ST6GAL1: variants seen among roughly 807,000 people sequenced by gnomAD.
ST6GAL1 encodes ST6 beta-galactoside alpha-2,6-sialyltransferase 1, also known as beta-galactoside alpha-2,6-sialyltransferase 1.
ST6GAL1 carries 20 observed loss-of-function variants against 38.0 expected under a neutral mutation model. The observed-to-expected ratio is 0.53, with a 90% CI of 0.37 to 0.77. The LOEUF is 0.77. ST6GAL1 is among the 30% of genes least tolerant of loss of function. ST6GAL1 has a pLI of 0.00. For missense variants in ST6GAL1, 432 were observed against 496.4 expected, an observed-to-expected ratio of 0.87 and a Z score of 1.23; for synonymous variants, 196 against 188.2, an observed-to-expected ratio of 1.04 and a Z score of -0.34.
At chr3:187,024,063 T>C (rs989352221) in intron 2 of ST6GAL1, among the ~76,000 whole-genome samples, 167 of 151,818 alleles carry the variant, frequency 1.1e-3, no homozygotes, top group Admixed American at 4.5e-3. Context: ...TACATATATA[T>C]GTTTTATATA....
intron 1 of ST6GAL1, among the ~76,000 whole-genome samples, chr3:186,937,085 T>C (rs530662193): frequency 3.9e-4 from 60 of 152,242 alleles, no homozygotes; most frequent in African/African-American, 1.4e-3. Flanking sequence ...CCTTCTTCTT[T>C]TTTTTTTAAA....
intron 1 of ST6GAL1, among the ~76,000 whole-genome samples, chr3:186,958,808 C>T (rs548872081): frequency 1.8e-3 from 281 of 152,078 alleles, no homozygotes; most frequent in Middle Eastern, 6.8e-3. Flanking sequence ...CAAAAATTAG[C>T]CAGGTGTGGT....
chr3:187,006,457 C>G (rs996000368), intron 2 of ST6GAL1: 1 of 152,192 alleles, frequency 6.6e-6, no homozygotes, highest in Non-Finnish European at 1.5e-5. Context: ...CCTGTGTGCT[C>G]CTTTCCCCTT....
At chr3:186,951,509 G>A (rs954535577) in intron 1 of ST6GAL1, among the ~76,000 whole-genome samples, 6 of 152,124 alleles carry the variant, frequency 3.9e-5, no homozygotes, top group South Asian at 2.1e-4. Flanking sequence ...TCAAACTAAC[G>A]AAATCAAAGT....
chr3:186,969,868 C>A (rs1274170088), intron 2 of ST6GAL1, among the ~76,000 whole-genome samples: 1 of 152,196 alleles, frequency 6.6e-6, no homozygotes, highest in Non-Finnish European at 1.5e-5. Flanking sequence ...GTGGTACACA[C>A]AGTACTATGA....
At chr3:186,966,487 T>C (rs989936079) in intron 2 of ST6GAL1, among the ~76,000 whole-genome samples, 1 of 152,252 alleles carries the variant, frequency 6.6e-6, no homozygotes. Context: ...AGCTAGTGAG[T>C]GCTCTTTATG....
chr3:186,941,596 G>A lies in ST6GAL1; in HGVS notation c.-325+10762G>A, dbSNP rs531539170. Among the ~76,000 whole-genome samples, 14 of 152,276 alleles carry A rather than the reference G, an allele frequency of 9.2e-5. No homozygotes were observed. In the South Asian group the frequency reaches 2.7e-3, roughly 29 times the overall value. ...ACGGGAGAAGCAAGATGGGCGGGGG[G>A]TGAGGAGGGGAAAGAGTTGCAGGAA... On this transcript the variant is annotated intron_variant, in intron 1 of 7. Transcript: ENST00000169298.
At chr3:187,024,344 C>T (rs964327681) in intron 2 of ST6GAL1, among the ~76,000 whole-genome samples, 5 of 151,492 alleles carry the variant, frequency 3.3e-5, no homozygotes, top group East Asian at 3.9e-4. Flanking sequence ...CTGCCCGCCT[C>T]GGCCTCCCAA....
intron 2 of ST6GAL1, among the ~76,000 whole-genome samples, chr3:186,969,997 G>A (rs578210390): frequency 1.3e-5 from 2 of 152,276 alleles, no homozygotes; most frequent in East Asian, 3.9e-4. Flanking sequence ...GGAAACGATT[G>A]TAGATGCACA....
intron 3 of ST6GAL1, among the ~76,000 whole-genome samples, chr3:187,039,433 G>A (rs1282098760): frequency 6.6e-6 from 1 of 152,168 alleles, no homozygotes; most frequent in Non-Finnish European, 1.5e-5. Flanking sequence ...GAGCAGCAAA[G>A]TCAGGCATGA....
At chr3:187,024,669 C>T (rs924275971) in intron 2 of ST6GAL1, 12 of 151,854 alleles carry the variant, frequency 7.9e-5, no homozygotes, top group Admixed American at 6.6e-4. Context: ...CTGAGGAAGC[C>T]GTGAGCCAGG....
intron 1 of ST6GAL1, among the ~76,000 whole-genome samples, chr3:186,936,566 A>G (rs1703525113): frequency 6.6e-6 from 1 of 152,228 alleles, no homozygotes; most frequent in Non-Finnish European, 1.5e-5. Context: ...ATGATTTTCT[A>G]AGTAATTATT....
intron 2 of ST6GAL1, among the ~76,000 whole-genome samples, chr3:186,988,785 G>A (rs1046255934): frequency 5.9e-5 from 9 of 152,016 alleles, no homozygotes; most frequent in African/African-American, 1.9e-4. Context: ...GTGGTGGTGT[G>A]TGCCTGTATT....
In ST6GAL1 at chr3:187,075,792, A is replaced by T; in HGVS notation, c.1210A>T (p.Ile404Phe). Reference sequence around the variant, plus strand: ...AGCCACACTGCCTGGCTTCCGGACCATTCACTGCTAAGCACAGGCTCCTCA... The same window carrying T: ...AGCCACACTGCCTGGCTTCCGGACCTTTCACTGCTAAGCACAGGCTCCTCA... ...GKATLPGFRT[I>F]HC Residue 404 changes from isoleucine (I) to phenylalanine (F), a missense_variant, in exon 8 of 8, where the codon ATT (isoleucine) becomes TTT (phenylalanine). Physicochemically the swap from Ile to Phe is conservative, Grantham distance 21. Transcript: ENST00000169298. The surrounding 1 kb of genome is among the most constrained non-coding windows in gnomAD (Gnocchi z 4.1). The T allele has an allele frequency of 6.2e-7, 1 of 1,614,194 alleles. No homozygotes were observed. The highest frequency in any genetic ancestry group is 8.5e-7 in the Non-Finnish European group (1 of 1,180,014).
In ST6GAL1 at chr3:187,066,593, C is replaced by T. The variant is rs1437224335; in HGVS notation, c.706-6256C>T. Among the ~76,000 whole-genome samples the T allele has an allele frequency of 4.4e-4, 54 of 121,440 alleles. 1 individual carries two copies. The highest frequency in any genetic ancestry group is 2.5e-4 in the Non-Finnish European group (14 of 56,590). 79.7% of individuals were successfully genotyped at this position (121,440 alleles called of 152,430 possible). ...CACAGTGGTAATATCTGAAGATGTG[C>T]GTGCGTGCGTGTGTGTGTGTGTGTG... is the stretch of plus-strand genomic sequence containing the variant. On this transcript the variant is annotated intron_variant, in intron 5 of 7. Coordinates refer to ENST00000169298, the MANE Select transcript of ST6GAL1 (RefSeq NM_173216.2).
At chr3:186,948,402 C>T (rs922021446) in intron 1 of ST6GAL1, among the ~76,000 whole-genome samples, 13 of 152,166 alleles carry the variant, frequency 8.5e-5, no homozygotes, top group African/African-American at 1.7e-4. Context: ...TCAAACTGGG[C>T]GGGCAGCCAG....
intron 1 of ST6GAL1, chr3:186,931,482 A>T (rs937777348): frequency 1.3e-5 from 2 of 152,410 alleles, no homozygotes; most frequent in Admixed American, 6.5e-5. Context: ...CTCCAGGCTG[A>T]GTCGGTCCCC....
chr3:186,965,933 C>G (rs530041696), intron 2 of ST6GAL1, among the ~76,000 whole-genome samples: 1 of 152,332 alleles, frequency 6.6e-6, no homozygotes, highest in South Asian at 2.1e-4. Context: ...GAGTGTCGCT[C>G]TGTTGCGCAG....
intron 2 of ST6GAL1, among the ~76,000 whole-genome samples, chr3:186,978,583 A>G (rs541328528): frequency 2.4e-4 from 36 of 152,306 alleles, no homozygotes; most frequent in African/African-American, 8.7e-4. Flanking sequence ...CCTTTCCTTT[A>G]TTCACGGAAA....
Sources: gnomAD v4.1 joint callset for allele counts (sites outside exome capture counted in the v4.1 genomes callset) on GRCh38, gnomAD v4.1.1 for gene constraint, Gnocchi (gnomAD v3.1) non-coding constraint, MANE v1.5 for transcripts, NCBI Gene and HGNC (gene_info 2026-07-23, HGNC 2026-07-21) for gene names.